Variants in LARP1B observed in about 807,000 individuals in gnomAD.
The protein encoded by LARP1B is la-related protein 1B.
In LARP1B, 76 loss-of-function variants were observed where a neutral mutation model predicts 114.2. The ratio of observed to expected loss-of-function variants is 0.67; its 90% CI spans 0.55 to 0.81. The LOEUF (loss-of-function observed/expected upper bound fraction) is 0.81, where lower values mean the gene tolerates loss of function less well. Ranked by LOEUF, LARP1B falls within the 30% of genes least tolerant of loss-of-function variation. LARP1B has a pLI of 0.00. For missense variants in LARP1B, 1,014 were observed against 1,075.8 expected (o/e 0.94, Z 0.80); for synonymous variants, 345 against 348.0 (o/e 0.99, Z 0.10).
At chr4:128,067,495 G>A (rs1763459480) in intron 1 of LARP1B, among the ~76,000 whole-genome samples, 1 of 152,152 alleles carries the variant, frequency 6.6e-6, no homozygotes, top group Admixed American at 6.6e-5. Context: ...AAGTGAACCA[G>A]ATTCTTGATG....
intron 1 of LARP1B, among the ~76,000 whole-genome samples, chr4:128,074,129 G>A (rs1017151624): frequency 1.3e-5 from 2 of 151,450 alleles, no homozygotes; most frequent in Non-Finnish European, 2.9e-5. Flanking sequence ...TAGTAGAGAC[G>A]GGGTTTCTCC....
chr4:128,108,939 A>C (rs1246906469), intron 9 of LARP1B: 2 of 514,406 alleles, frequency 3.9e-6, no homozygotes, highest in Non-Finnish European at 5.0e-6. Context: ...ATATACACTC[A>C]GATGCATGCA....
intron 4 of LARP1B, among the ~76,000 whole-genome samples, chr4:128,081,364 C>T (rs1770310201): frequency 6.8e-6 from 1 of 146,118 alleles, no homozygotes; most frequent in Non-Finnish European, 1.5e-5. Context: ...CAGGCATGAG[C>T]CACTGCGCCC....
intron 2 of LARP1B, 30 bp from the exon 3 acceptor site, chr4:128,074,904 C>CAGACCTA: frequency 6.8e-7 from 1 of 1,465,898 alleles, no homozygotes; most frequent in Admixed American, 2.0e-5. Context: ...AAAGTAATTT[C>CAGACCTA]AGACCTAACA....
At chr4:128,172,503 G>T (rs1029281257) in intron 12 of LARP1B, among the ~76,000 whole-genome samples, 11 of 151,982 alleles carry the variant, frequency 7.2e-5, no homozygotes, top group African/African-American at 2.4e-4. Flanking sequence ...GACCAGCCTG[G>T]CCAACATGGT....
chr4:128,090,036 G>A (rs1775306831), intron 5 of LARP1B, among the ~76,000 whole-genome samples: 1 of 149,140 alleles, frequency 6.7e-6, no homozygotes, highest in South Asian at 2.1e-4. Flanking sequence ...GCCTACCAAA[G>A]TGCTGGTATT....
In LARP1B at chr4:128,107,264, G is replaced by C. The variant is rs757699776; in HGVS notation, c.939G>C (p.Leu313=). Residue 313 remains leucine (L), a synonymous_variant, in exon 9 of 20, where the codon CTG becomes CTC. Transcript: ENST00000326639. ...RSVPPTDFSQ[L]IDCPEFVPGQ... ...TGCCACCAACAGACTTCTCTCAACT[G>C]ATTGATTGTCCAGAGTTTGTACCAG... is the stretch of plus-strand genomic sequence containing the variant. The C allele has an allele frequency of 1.2e-6, 2 of 1,614,114 alleles. No homozygotes were observed. The highest frequency in any genetic ancestry group is 1.7e-6 in the Non-Finnish European group (2 of 1,179,994).
At chr4:128,192,969 T>G (rs1752747416) in intron 15 of LARP1B, among the ~76,000 whole-genome samples, 5 of 152,136 alleles carry the variant, frequency 3.3e-5, no homozygotes, top group Admixed American at 3.3e-4. Flanking sequence ...TATCTGGGAC[T>G]ACAGGTGTGC....
chr4:128,139,699 C>T (rs1727098849), intron 11 of LARP1B, among the ~76,000 whole-genome samples: 1 of 151,940 alleles, frequency 6.6e-6, no homozygotes, highest in Admixed American at 6.6e-5. Context: ...GCTTATAAGA[C>T]ATGAACAAAC....
intron 1 of LARP1B, among the ~76,000 whole-genome samples, chr4:128,065,318 TCTCTCTCTCTCTCTTTCC>T (rs1762247593): frequency 4.0e-5 from 3 of 74,682 alleles, no homozygotes; most frequent in South Asian, 4.8e-4. Flanking sequence ...TCTTTCTTTC[TCTCTCTCTCTCTCTTTCC>T]TTTCTTTTCT....
intron 3 of LARP1B, among the ~76,000 whole-genome samples, chr4:128,076,471 A>C (rs1355454238): frequency 1.3e-5 from 2 of 151,882 alleles, no homozygotes; most frequent in African/African-American, 2.4e-5. Flanking sequence ...TTTCTTACTG[A>C]GTAGTATGGA....
chr4:128,083,584 ACCTC>A (rs1457299147), intron 5 of LARP1B, among the ~76,000 whole-genome samples: 2 of 84,830 alleles, frequency 2.4e-5, no homozygotes, highest in East Asian at 7.9e-4. Context: ...TGACCCCCCC[ACCTC>A]CCTCCCAGAC....
intron 3 of LARP1B, among the ~76,000 whole-genome samples, chr4:128,077,351 GTT>G (rs1768353000): frequency 6.6e-6 from 1 of 151,526 alleles, no homozygotes; most frequent in Non-Finnish European, 1.5e-5. Context: ...AAAAAAAAGA[GTT>G]AGCCAGGTGT....
intron 17 of LARP1B, among the ~76,000 whole-genome samples, chr4:128,202,799 G>A (rs1440316041): frequency 1.3e-5 from 2 of 152,208 alleles, no homozygotes; most frequent in Admixed American, 1.3e-4. Context: ...GGAAGTAGTG[G>A]TTAAGCACCT....
intron 11 of LARP1B, chr4:128,122,417 T>A: frequency 6.7e-7 from 1 of 1,489,926 alleles, no homozygotes; most frequent in Non-Finnish European, 8.9e-7. Flanking sequence ...AGAAAATTAG[T>A]ACTCACTGAC....
At chr4:128,123,687 T>C (rs1788700283) in intron 11 of LARP1B, 2 of 908,958 alleles carry the variant, frequency 2.2e-6, no homozygotes, top group Middle Eastern at 5.6e-4. Flanking sequence ...AAATAAATTA[T>C]GGAGTAAACA....
rs1377517166 is a variant in LARP1B at position 128,194,301 on chromosome 4, A to C, written c.2004-5138A>C. 3.3e-5 allele frequency among the ~76,000 whole-genome samples: 5 copies of C among 151,978 alleles called. No homozygotes were observed. In the East Asian group the frequency reaches 9.8e-4, roughly 30 times the overall value. On this transcript the variant is annotated intron_variant, in intron 15 of 19. Transcript: ENST00000326639. ...TGGCCAGGCTAGCCTTGGACCCCTG[A>C]TGTCAGGTGATCCGCCCACCTCGGC...
chr4:128,080,204 A>C (rs1184043950), intron 4 of LARP1B, among the ~76,000 whole-genome samples: 2 of 150,810 alleles, frequency 1.3e-5, no homozygotes, highest in African/African-American at 4.9e-5. Flanking sequence ...GGTGGTCTCG[A>C]GCTCCCAACC....
chr4:128,094,021 T>A lies in LARP1B; in HGVS notation c.668+2509T>A, dbSNP rs574270894. On this transcript the variant is annotated intron_variant, in intron 7 of 19. Coordinates refer to ENST00000326639, the MANE Select transcript of LARP1B (RefSeq NM_018078.4). The stretch of plus-strand genomic sequence containing the variant: ...CCACCGTGCCTGACCTTTTTTTTTT[T>A]AAAAACATTTTAAAAACTTTTTATT... 6.8e-3 allele frequency among the ~76,000 whole-genome samples: 1,029 copies of A among 151,638 alleles called. 12 individuals carry two copies. The highest frequency in any genetic ancestry group is 0.021 in the African/African-American group (881 of 41,370).
Sources: gnomAD v4.1 joint callset for allele counts (sites outside exome capture counted in the v4.1 genomes callset) on GRCh38, gnomAD v4.1.1 for gene constraint, MANE v1.5 for transcripts, NCBI Gene and HGNC (gene_info 2026-07-23, HGNC 2026-07-21) for gene names.